The following MEI4 variants were observed in gnomAD, a reference collection of about 807,000 sequenced individuals.
MEI4 encodes the protein meiotic double-stranded break formation protein 4, also known as meiosis-specific protein MEI4.
A neutral mutation model predicts 31.4 loss-of-function variants in MEI4; 27 were observed. The ratio of observed to expected loss-of-function variants is 0.86; its 90% CI spans 0.63 to 1.19. MEI4 has a LOEUF of 1.19. Among genes scored for constraint, MEI4 ranks in the 50% most tolerant of loss-of-function variants. MEI4 has a pLI of 0.00. For missense variants in MEI4, 329 were observed against 398.9 expected (o/e 0.82, Z 1.49); for synonymous variants, 122 against 145.4 (o/e 0.84, Z 1.16).
chr6:77,898,728 C>A (rs1482205505), intron 4 of MEI4, among the ~76,000 whole-genome samples: 2 of 151,980 alleles, frequency 1.3e-5, no homozygotes, highest in Non-Finnish European at 2.9e-5. Context: ...ATATAAACAT[C>A]CAAACTACAA....
At chr6:77,896,423 C>T (rs191142100) in intron 4 of MEI4, among the ~76,000 whole-genome samples, 5 of 152,162 alleles carry the variant, frequency 3.3e-5, no homozygotes, top group African/African-American at 4.8e-5. Flanking sequence ...ACTTAGGGAT[C>T]AGAAAATCAC....
chr6:77,851,170 C>T (rs1770609050), intron 4 of MEI4, among the ~76,000 whole-genome samples: 1 of 152,066 alleles, frequency 6.6e-6, no homozygotes, highest in African/African-American at 2.4e-5. Context: ...GAAATAGGAA[C>T]ACTTTTACAC....
At position 77,894,592 on chromosome 6, in the gene MEI4, G is replaced by A. The variant is rs546324124; in HGVS notation, c.901-28497G>A. ...AAATATGATGCCTTTTAATTTCTTT[G>A]AGTCAGCTCTGTTCAGTTGTCTTTT... On this transcript the variant is annotated intron_variant, in intron 4 of 4. Transcript: ENST00000684080. Among the ~76,000 whole-genome samples, 3 of 152,216 alleles carry A rather than the reference G, an allele frequency of 2.0e-5. No homozygotes were observed. The East Asian group carries it at 5.8e-4, about 29-fold the overall frequency.
chr6:77,919,232 G>T (rs1766642063), intron 4 of MEI4, among the ~76,000 whole-genome samples: 1 of 151,816 alleles, frequency 6.6e-6, no homozygotes, highest in Non-Finnish European at 1.5e-5. Context: ...TTCCAAAATT[G>T]ACCACATACT....
intron 3 of MEI4, among the ~76,000 whole-genome samples, chr6:77,822,064 A>T (rs777339606): frequency 6.6e-6 from 1 of 152,058 alleles, no homozygotes; most frequent in Non-Finnish European, 1.5e-5. Flanking sequence ...TTAATGTTAT[A>T]TCTGTTTATA....
chr6:77,806,030 T>C (rs2127702949), intron 3 of MEI4, among the ~76,000 whole-genome samples: 1 of 152,254 alleles, frequency 6.6e-6, no homozygotes, highest in South Asian at 2.1e-4. Context: ...ACAATCCCTT[T>C]CGTCTGGCTT....
chr6:77,711,724 C>CT (rs1766470235), intron 2 of MEI4, among the ~76,000 whole-genome samples: 1 of 152,134 alleles, frequency 6.6e-6, no homozygotes, highest in Non-Finnish European at 1.5e-5. Context: ...TTCCAACCCC[C>CT]TTTTTTTCTC....
chr6:77,826,716 G>A (rs191228819), intron 3 of MEI4, among the ~76,000 whole-genome samples: 2 of 152,004 alleles, frequency 1.3e-5, no homozygotes, highest in East Asian at 1.9e-4. Flanking sequence ...CAGAATCCAG[G>A]GCTCTACCTA....
intron 1 of MEI4, among the ~76,000 whole-genome samples, chr6:77,660,204 G>C (rs1768478173): frequency 6.6e-6 from 1 of 152,186 alleles, no homozygotes; most frequent in Non-Finnish European, 1.5e-5. Flanking sequence ...GGAGGGATTA[G>C]AAGTGGCTAG....
chr6:77,763,899 C>A (rs1321848095), intron 3 of MEI4, among the ~76,000 whole-genome samples: 2 of 152,046 alleles, frequency 1.3e-5, no homozygotes, highest in African/African-American at 4.8e-5. Context: ...CTGCAACCTC[C>A]ACTTCCTGGG....
At chr6:77,692,620 C>A (rs1028340944) in intron 2 of MEI4, among the ~76,000 whole-genome samples, 2 of 151,976 alleles carry the variant, frequency 1.3e-5, no homozygotes, top group Non-Finnish European at 2.9e-5. Flanking sequence ...AGAGTAGACA[C>A]TTTAGACATT....
intron 3 of MEI4, among the ~76,000 whole-genome samples, chr6:77,811,499 A>C (rs1436688806): frequency 6.6e-6 from 1 of 152,166 alleles, no homozygotes; most frequent in Non-Finnish European, 1.5e-5. Context: ...TTAGAAGTAA[A>C]TCTTAATGTA....
At chr6:77,795,671 T>C (rs6940061) in intron 3 of MEI4, among the ~76,000 whole-genome samples, 62 of 151,818 alleles carry the variant, frequency 4.1e-4, no homozygotes, top group African/African-American at 1.4e-3. Flanking sequence ...CTAGAAGAAA[T>C]TGATAAATTC....
At chr6:77,921,091 A>C (rs534872124) in intron 4 of MEI4, among the ~76,000 whole-genome samples, 5 of 151,876 alleles carry the variant, frequency 3.3e-5, no homozygotes, top group African/African-American at 1.2e-4. Flanking sequence ...TGTAGCTACA[A>C]AATTCCTAGA....
chr6:77,873,106 C>G (rs1215579968), intron 4 of MEI4, among the ~76,000 whole-genome samples: 2 of 151,192 alleles, frequency 1.3e-5, no homozygotes, highest in Non-Finnish European at 3.0e-5. Context: ...TTTATAGCAG[C>G]ATGATTTATA....
intron 3 of MEI4, among the ~76,000 whole-genome samples, chr6:77,827,098 CA>C (rs1488786526): frequency 1.3e-5 from 2 of 152,068 alleles, no homozygotes; most frequent in African/African-American, 4.8e-5. Flanking sequence ...CGGTGGCTCA[CA>C]CCTGTAATCC....
chr6:77,832,154 G>A (rs752989535), intron 4 of MEI4, among the ~76,000 whole-genome samples: 3 of 152,018 alleles, frequency 2.0e-5, no homozygotes, highest in Non-Finnish European at 4.4e-5. Context: ...AATCCTAACA[G>A]ATTTTCCAAC....
chr6:77,913,840 T>C (rs1766483813), intron 4 of MEI4, among the ~76,000 whole-genome samples: 1 of 151,720 alleles, frequency 6.6e-6, no homozygotes, highest in Non-Finnish European at 1.5e-5. Flanking sequence ...GAGACCATCC[T>C]GGCTAACACA....
chr6:77,746,827 G>A lies in MEI4; in HGVS notation c.233-14303G>A, dbSNP rs185500067. 7.9e-5 allele frequency among the ~76,000 whole-genome samples: 12 copies of A among 152,170 alleles called. No individual in the cohort carries two copies. In the East Asian group the frequency reaches 2.3e-3, roughly 29 times the overall value. On this transcript the variant is annotated intron_variant, in intron 2 of 4. Coordinates refer to ENST00000684080, the MANE Select transcript of MEI4 (RefSeq NM_001322247.2). ...TTTTACTCTGGCCCTAGTGACAGGA[G>A]GGATAGCCACAATATTAGCTGAAAT...
Sources: gnomAD v4.1 joint callset for allele counts (sites outside exome capture counted in the v4.1 genomes callset) on GRCh38, gnomAD v4.1.1 for gene constraint, MANE v1.5 for transcripts, NCBI Gene and HGNC (gene_info 2026-07-23, HGNC 2026-07-21) for gene names.